The following KDM4C variants were observed in gnomAD, a reference collection of about 807,000 sequenced individuals.
KDM4C encodes lysine demethylase 4C, also known as lysine-specific demethylase 4C.
KDM4C carries 81 observed loss-of-function variants against 129.3 expected under a neutral mutation model. The observed-to-expected ratio is 0.63, with a 90% CI of 0.52 to 0.75. The LOEUF is 0.75. KDM4C is among the 30% of genes least tolerant of loss of function. The probability of loss-of-function intolerance (pLI) is 0.00; values close to 1 mark genes in which losing one functional copy is unlikely to be tolerated. For missense variants in KDM4C, 1,457 were observed against 1,304.0 expected (o/e 1.12, Z -1.81); for synonymous variants, 573 against 456.1 (o/e 1.26, Z -3.26).
chr9:6,838,829 A>C (rs1358833365), intron 4 of KDM4C, among the ~76,000 whole-genome samples: 2 of 152,246 alleles, frequency 1.3e-5, no homozygotes, highest in African/African-American at 4.8e-5. Flanking sequence ...AATGTACTGC[A>C]TACGGATCTA....
intron 17 of KDM4C, among the ~76,000 whole-genome samples, chr9:7,088,434 C>T (rs1166903050): frequency 6.6e-6 from 1 of 152,202 alleles, no homozygotes; most frequent in Non-Finnish European, 1.5e-5. Context: ...TATTGACCCA[C>T]AATCTGCTTA....
At chr9:6,949,180 C>CCGGGCGGAGGGGCTCCTCACTTCT (rs1827601900) in intron 8 of KDM4C, among the ~76,000 whole-genome samples, 1 of 148,158 alleles carries the variant, frequency 6.7e-6, no homozygotes, top group Non-Finnish European at 1.5e-5. Context: ...GGGGTGGCTG[C>CCGGGCGGAGGGGCTCCTCACTTCT]CGGGCGGAGG....
At chr9:6,887,926 C>G in intron 6 of KDM4C, 34 bp from the exon 7 acceptor site, 1 of 1,200,160 alleles carries the variant, frequency 8.3e-7, no homozygotes, top group Non-Finnish European at 1.2e-6. Context: ...TCTTAATCGA[C>G]ACAGTGCCAC....
intron 8 of KDM4C, among the ~76,000 whole-genome samples, chr9:6,978,049 C>T (rs1833224155): frequency 6.6e-6 from 1 of 152,122 alleles, no homozygotes; most frequent in East Asian, 1.9e-4. Context: ...TAAAAATAGG[C>T]ACTTATCTAG....
chr9:6,843,243 T>A (rs1460818612), intron 4 of KDM4C, among the ~76,000 whole-genome samples: 1 of 152,240 alleles, frequency 6.6e-6, no homozygotes, highest in Non-Finnish European at 1.5e-5. Flanking sequence ...GCCATGCTGT[T>A]TGGAACAGGA....
At chr9:7,166,504 A>G (rs1317722096) in intron 20 of KDM4C, among the ~76,000 whole-genome samples, 1 of 151,928 alleles carries the variant, frequency 6.6e-6, no homozygotes, top group Non-Finnish European at 1.5e-5. Context: ...TGCATATGGT[A>G]TTGGTGACAG....
At chr9:6,773,880 A>C (rs1017944531) in intron 1 of KDM4C, among the ~76,000 whole-genome samples, 2 of 151,950 alleles carry the variant, frequency 1.3e-5, no homozygotes, top group African/African-American at 4.8e-5. Flanking sequence ...GGGCTTGGAT[A>C]CAAATGCATA....
At chr9:6,840,148 C>A (rs1193669075) in intron 4 of KDM4C, among the ~76,000 whole-genome samples, 1 of 151,880 alleles carries the variant, frequency 6.6e-6, no homozygotes, top group Non-Finnish European at 1.5e-5. Flanking sequence ...TCATGGCTCA[C>A]TGCAGCCTTG....
chr9:7,009,822 T>C (rs923144821), intron 12 of KDM4C, among the ~76,000 whole-genome samples: 1 of 152,230 alleles, frequency 6.6e-6, no homozygotes, highest in Non-Finnish European at 1.5e-5. Context: ...TTGAATTGTT[T>C]GACTCTACTT....
At chr9:6,759,962 TATAAATAA>T (rs34081778) in intron 1 of KDM4C, among the ~76,000 whole-genome samples, 45 of 143,076 alleles carry the variant, frequency 3.1e-4, no homozygotes, top group South Asian at 1.1e-3. Context: ...AAAGTAAAAA[TATAAATAA>T]ATAAATAAAT....
rs558753600 is a variant in KDM4C at position 6,984,854 on chromosome 9, G to A, written c.1354+450G>A. Reference sequence around the variant, plus strand: ...AAAAGTCAACCTAGTGAAATGACATGTATAGTCCCCTTGCTTCTCTTTTGT... The same window carrying A: ...AAAAGTCAACCTAGTGAAATGACATATATAGTCCCCTTGCTTCTCTTTTGT... On this transcript the variant is annotated intron_variant, in intron 10 of 21. Coordinates refer to ENST00000381309, the MANE Select transcript of KDM4C (RefSeq NM_015061.6). Among the ~76,000 whole-genome samples, 136 of 152,298 alleles carry A rather than the reference G, an allele frequency of 8.9e-4. 1 individual carries two copies. The highest frequency in any genetic ancestry group is 3.1e-3 in the African/African-American group (130 of 41,574).
At chr9:6,944,397 T>C (rs577297735) in intron 8 of KDM4C, among the ~76,000 whole-genome samples, 5 of 152,210 alleles carry the variant, frequency 3.3e-5, no homozygotes, top group Non-Finnish European at 7.3e-5. Flanking sequence ...TTCCTTTTAA[T>C]AGTTTGAGTA....
At chr9:6,868,378 A>T (rs535523759) in intron 5 of KDM4C, among the ~76,000 whole-genome samples, 2 of 152,258 alleles carry the variant, frequency 1.3e-5, no homozygotes, top group East Asian at 3.9e-4. Context: ...AACCCTGGGA[A>T]CTTTGAGGTG....
intron 1 of KDM4C, among the ~76,000 whole-genome samples, chr9:6,768,940 T>C (rs1299058265): frequency 6.6e-6 from 1 of 151,972 alleles, no homozygotes; most frequent in Non-Finnish European, 1.5e-5. Context: ...GCCCGGGTAA[T>C]TTTTGTATTT....
intron 1 of KDM4C, among the ~76,000 whole-genome samples, chr9:6,721,365 C>A (rs189224606): frequency 1.2e-4 from 17 of 147,742 alleles, no homozygotes; most frequent in African/African-American, 4.0e-4. Context: ...CTCACTGCAA[C>A]CTTCACCTCT....
At chr9:6,961,930 A>G (rs1181089565) in intron 8 of KDM4C, among the ~76,000 whole-genome samples, 2 of 152,216 alleles carry the variant, frequency 1.3e-5, no homozygotes, top group Non-Finnish European at 2.9e-5. Flanking sequence ...GTGCATGTAT[A>G]AATCAAAGAC....
At chr9:7,126,569 G>A (rs1840043351) in intron 18 of KDM4C, among the ~76,000 whole-genome samples, 1 of 152,180 alleles carries the variant, frequency 6.6e-6, no homozygotes, top group South Asian at 2.1e-4. Flanking sequence ...CTGAACTGGT[G>A]ATTTCCAATA....
chr9:7,038,966 G>A (rs966540442), intron 15 of KDM4C, among the ~76,000 whole-genome samples: 1 of 151,744 alleles, frequency 6.6e-6, no homozygotes, highest in Admixed American at 6.6e-5. Flanking sequence ...AACAATTTTT[G>A]ATATATGTAT....
intron 5 of KDM4C, among the ~76,000 whole-genome samples, chr9:6,858,634 G>A (rs1297501397): frequency 5.9e-5 from 9 of 152,124 alleles, no homozygotes; most frequent in Admixed American, 5.9e-4. Context: ...TTAGCCGGGT[G>A]TGGTGACGTG....
Sources: allele counts gnomAD v4.1 joint callset (sites outside exome capture counted in the v4.1 genomes callset), GRCh38; gene constraint gnomAD v4.1.1; transcripts MANE v1.5; gene names NCBI Gene and HGNC (gene_info 2026-07-23, HGNC 2026-07-21).